NFIB: variants seen among roughly 807,000 people sequenced by gnomAD.
The protein encoded by NFIB is nuclear factor 1 B-type.
Under a neutral mutation model 61.5 loss-of-function variants are expected in NFIB, and 11 were observed. That is an observed-to-expected ratio of 0.18 (90% CI 0.11 to 0.30). The LOEUF is 0.30. Ranked by LOEUF, NFIB falls within the 10% of genes least tolerant of loss-of-function variation. The probability of loss-of-function intolerance (pLI) is 1.00; values close to 1 mark genes in which losing one functional copy is unlikely to be tolerated. For missense variants in NFIB, 471 were observed against 608.9 expected (o/e 0.77, Z 2.38); for synonymous variants, 260 against 216.5 (o/e 1.20, Z -1.76).
At chr9:14,405,711 G>T in the NFIB span, among the ~76,000 whole-genome samples, 1 of 152,154 alleles carries the variant, frequency 6.6e-6, no homozygotes, top group Non-Finnish European at 1.5e-5. Context: ...TGGAAAAATT[G>T]ACTGCTTCCA....
upstream of NFIB, among the ~76,000 whole-genome samples, chr9:14,400,319 T>G (rs897135427): frequency 1.3e-5 from 2 of 152,228 alleles, no homozygotes; most frequent in Admixed American, 6.5e-5. Flanking sequence ...GAAACGATGT[T>G]TGCTGAAGTA....
At chr9:14,329,363 AGCTCCT>A (rs2060793711) in intron 1 of NFIB, among the ~76,000 whole-genome samples, 1 of 152,066 alleles carries the variant, frequency 6.6e-6, no homozygotes, top group Non-Finnish European at 1.5e-5. Flanking sequence ...TGTGACCACA[AGCTCCT>A]TTATAGACTG....
chr9:14,408,589 C>T, the NFIB span, among the ~76,000 whole-genome samples: 1 of 152,162 alleles, frequency 6.6e-6, no homozygotes, highest in African/African-American at 2.4e-5. Context: ...CTGTTTATAT[C>T]ACTTGATCCC....
intron 2 of NFIB, among the ~76,000 whole-genome samples, chr9:14,187,033 G>GTA (rs1379625876): frequency 6.2e-5 from 6 of 97,212 alleles, no homozygotes; most frequent in African/African-American, 3.9e-4. Flanking sequence ...GTGTATGTGT[G>GTA]TGTGTGTGTG....
At chr9:14,100,660 G>A (rs186346329) in intron 10 of NFIB, among the ~76,000 whole-genome samples, 1 of 152,240 alleles carries the variant, frequency 6.6e-6, no homozygotes. Flanking sequence ...CTTGCAGTGA[G>A]CCGAGATTGC....
chr9:14,142,354 G>A (rs1049860423), intron 6 of NFIB, among the ~76,000 whole-genome samples: 8 of 151,978 alleles, frequency 5.3e-5, no homozygotes, highest in East Asian at 3.9e-4. Flanking sequence ...CATATAAGAC[G>A]TGACTTGCTC....
In NFIB at chr9:14,227,835, G is replaced by A. The variant is rs1215189940; in HGVS notation, c.563-48055C>T. Among the ~76,000 whole-genome samples, 8 of 152,170 alleles carry A rather than the reference G, an allele frequency of 5.3e-5. No individual in the cohort carries two copies. In the South Asian group the frequency reaches 6.2e-4, roughly 12 times the overall value. On this transcript the variant is annotated intron_variant, in intron 2 of 10. Transcript: ENST00000380953. ...GTTAATATTGCTGTTTAGCTGCAGA[G>A]AGGAACCTTCTGAACCTCTGGAGTC...
the NFIB span, among the ~76,000 whole-genome samples, chr9:14,418,692 C>T: frequency 1.3e-5 from 2 of 152,138 alleles, no homozygotes; most frequent in Non-Finnish European, 2.9e-5. Context: ...CTGAGGAAAA[C>T]GTGCAGCTTA....
chr9:14,222,002 C>T (rs1025150378), intron 2 of NFIB, among the ~76,000 whole-genome samples: 4 of 152,142 alleles, frequency 2.6e-5, no homozygotes, highest in African/African-American at 7.2e-5. Context: ...CCTTTCCCTC[C>T]GCAAAGCACA....
chr9:14,100,601 G>C (rs541897219), intron 10 of NFIB, among the ~76,000 whole-genome samples: 1 of 152,222 alleles, frequency 6.6e-6, no homozygotes, highest in South Asian at 2.1e-4. Context: ...TCCCAGCTAC[G>C]GAGGGGGCTG....
chr9:14,256,312 T>C (rs188377787), intron 2 of NFIB, among the ~76,000 whole-genome samples: 2 of 152,304 alleles, frequency 1.3e-5, no homozygotes, highest in Admixed American at 6.5e-5. Flanking sequence ...AGGGAAACTA[T>C]GTTCTAAGAA....
the NFIB span, among the ~76,000 whole-genome samples, chr9:14,426,787 G>A: frequency 1.1e-4 from 17 of 151,912 alleles, no homozygotes; most frequent in East Asian, 1.9e-4. Flanking sequence ...ATATCACATC[G>A]CTCAGGAACA....
intron 5 of NFIB, among the ~76,000 whole-genome samples, 189 bp downstream of exon 5, chr9:14,149,956 G>A (rs1295325184): frequency 6.6e-6 from 1 of 152,100 alleles, no homozygotes; most frequent in East Asian, 1.9e-4. Flanking sequence ...TAAAACTGCT[G>A]TGTACAACAA....
chr9:14,085,390 G>A lies in NFIB; in HGVS notation c.*2919C>T, dbSNP rs1187521703. 1.3e-5 allele frequency: 3 copies of A among 224,072 alleles called. No homozygotes were observed. Among genetic ancestry groups the A allele is most frequent in the Non-Finnish European group, 2.7e-5 (3 of 112,534 alleles). The allele number at this position is 224,072 out of a possible 1,614,324, so 13.9% of individuals were successfully genotyped here. A position where few individuals can be genotyped will look rare whatever the true frequency, so the allele number is the denominator to read the frequency against. ...TACACTCAATGGGACTGGGCGGTGAGGGAAAGGCAAAATAAAACCAGCCTC... is the reference window on the plus strand; with the variant it reads ...TACACTCAATGGGACTGGGCGGTGAAGGAAAGGCAAAATAAAACCAGCCTC... On this transcript the variant is annotated 3_prime_UTR_variant, in exon 11 of 11. Transcript: ENST00000380953.
chr9:14,369,808 A>G (rs2061339100), intron 1 of NFIB, among the ~76,000 whole-genome samples: 1 of 152,146 alleles, frequency 6.6e-6, no homozygotes, highest in Non-Finnish European at 1.5e-5. Context: ...TTGGCCTGAT[A>G]TATTTGGACA....
the NFIB span, among the ~76,000 whole-genome samples, chr9:14,527,298 G>A: frequency 6.1e-3 from 921 of 151,988 alleles, 13 homozygotes; most frequent in African/African-American, 0.021. Flanking sequence ...TATCATCATC[G>A]TTGTTGTTGT....
chr9:14,246,045 C>A (rs2054886678), intron 2 of NFIB, among the ~76,000 whole-genome samples: 1 of 151,436 alleles, frequency 6.6e-6, no homozygotes, highest in Non-Finnish European at 1.5e-5. Context: ...GTGCAATGAA[C>A]AGGAATGTGT....
At chr9:14,259,215 AAAG>A (rs2056512281) in intron 2 of NFIB, among the ~76,000 whole-genome samples, 2 of 152,244 alleles carry the variant, frequency 1.3e-5, no homozygotes, top group Admixed American at 6.5e-5. Flanking sequence ...AGCACTGAAA[AAAG>A]AAGTCAATTG....
the NFIB span, among the ~76,000 whole-genome samples, chr9:14,511,144 CTTCT>C: frequency 6.6e-6 from 1 of 152,096 alleles, no homozygotes; most frequent in Non-Finnish European, 1.5e-5. Flanking sequence ...ACTAGCAATG[CTTCT>C]TTATCTTTCC....
Sources: gnomAD v4.1 joint callset for allele counts (sites outside exome capture counted in the v4.1 genomes callset) on GRCh38, gnomAD v4.1.1 for gene constraint, MANE v1.5 for transcripts, NCBI Gene and HGNC (gene_info 2026-07-23, HGNC 2026-07-21) for gene names.